PDE4D: variants seen among roughly 807,000 people sequenced by gnomAD.
PDE4D encodes phosphodiesterase 4D, also known as 3',5'-cyclic-AMP phosphodiesterase 4D.
PDE4D carries 24 observed loss-of-function variants against 87.4 expected under a neutral mutation model. That is an observed-to-expected ratio of 0.27 (90% CI 0.20 to 0.39). The LOEUF (loss-of-function observed/expected upper bound fraction) is 0.39. Among genes scored for constraint, PDE4D ranks in the 10% least tolerant of loss-of-function variants. PDE4D has a pLI of 1.00. For missense variants in PDE4D, 714 were observed against 1,041.0 expected, an observed-to-expected ratio of 0.69 and a Z score of 4.32; for synonymous variants, 384 against 383.2, an observed-to-expected ratio of 1.00 and a Z score of -0.02.
intron 6 of PDE4D, among the ~76,000 whole-genome samples, chr5:59,038,260 C>A (rs1027873077): frequency 2.0e-5 from 3 of 152,192 alleles, no homozygotes; most frequent in Non-Finnish European, 4.4e-5. Context: ...TTGAAGCCTC[C>A]TTGTACTAAA....
chr5:60,435,569 AT>A (rs1055046177), intron 1 of PDE4D, among the ~76,000 whole-genome samples: 3 of 151,540 alleles, frequency 2.0e-5, no homozygotes, highest in Non-Finnish European at 4.4e-5. Context: ...AGCTTTCAAG[AT>A]TTTTTTTTGA....
At chr5:60,426,036 A>G (rs1743681721) in intron 1 of PDE4D, among the ~76,000 whole-genome samples, 1 of 152,236 alleles carries the variant, frequency 6.6e-6, no homozygotes, top group Non-Finnish European at 1.5e-5. Context: ...AGGAAACAAC[A>G]GATGCTGGAG....
chr5:59,395,380 T>G (rs1271808870), intron 1 of PDE4D, among the ~76,000 whole-genome samples: 4 of 152,178 alleles, frequency 2.6e-5, no homozygotes, highest in East Asian at 1.9e-4. Context: ...AGCACGCAGC[T>G]GGAGATCTGA....
chr5:59,773,556 G>C (rs530256769), intron 1 of PDE4D, among the ~76,000 whole-genome samples: 2 of 152,202 alleles, frequency 1.3e-5, no homozygotes, highest in South Asian at 4.1e-4. Flanking sequence ...GCAGCTGAAG[G>C]TGGAATTCCT....
chr5:59,594,923 AT>A (rs1030488887), intron 1 of PDE4D, among the ~76,000 whole-genome samples: 36 of 152,258 alleles, frequency 2.4e-4, no homozygotes, highest in African/African-American at 7.9e-4. Flanking sequence ...GTAAAAAAAA[AT>A]GTACCACTTT....
chr5:60,215,792 G>T (rs1562227559), intron 1 of PDE4D, among the ~76,000 whole-genome samples: 1 of 152,068 alleles, frequency 6.6e-6, no homozygotes, highest in Non-Finnish European at 1.5e-5. Flanking sequence ...CAGATGATTT[G>T]TACACATGTT....
intron 2 of PDE4D, among the ~76,000 whole-genome samples, chr5:60,059,887 T>TC (rs560736698): frequency 3.2e-4 from 48 of 151,550 alleles, no homozygotes; most frequent in Middle Eastern, 3.2e-3. Context: ...CATGTTCTGA[T>TC]CCCCCCCAGG....
rs574161578 is a variant in PDE4D, at chr5:59,626,142, G to T, written c.455+267026C>A. On this transcript the variant is annotated intron_variant, in intron 1 of 14. Transcript: ENST00000340635. The stretch of plus-strand genomic sequence containing the variant: ...AACCAATGCCTGGTTTCCATTTTAG[G>T]GTCCGTTAACATTAAAGTAATGTTT... Among the ~76,000 whole-genome samples the T allele has an allele frequency of 6.7e-4, 102 of 152,186 alleles. 1 individual carries two copies. In the Middle Eastern group the frequency reaches 0.014, roughly 20 times the overall value.
intron 1 of PDE4D, chr5:59,768,678 G>T: frequency 6.8e-7 from 1 of 1,468,446 alleles, no homozygotes; most frequent in Non-Finnish European, 9.0e-7. Context: ...GAGGAGGCGA[G>T]CGCACTCCTC....
At chr5:60,323,887 G>C (rs905605613) in intron 1 of PDE4D, among the ~76,000 whole-genome samples, 3 of 149,252 alleles carry the variant, frequency 2.0e-5, no homozygotes, top group Non-Finnish European at 4.4e-5. Flanking sequence ...TCTTTACCTA[G>C]TTAATGCCTA....
chr5:60,091,546 T>C (rs758121232), intron 2 of PDE4D, among the ~76,000 whole-genome samples: 8 of 152,166 alleles, frequency 5.3e-5, no homozygotes. Flanking sequence ...AGAATGTAAA[T>C]TAGTACAGCT....
At chr5:60,279,253 G>A (rs116356941) in intron 1 of PDE4D, among the ~76,000 whole-genome samples, 3 of 152,148 alleles carry the variant, frequency 2.0e-5, no homozygotes, top group African/African-American at 7.2e-5. Context: ...CCTGAATATT[G>A]TCTAGGCCTC....
intron 5 of PDE4D, among the ~76,000 whole-genome samples, chr5:59,057,337 G>A (rs865797118): frequency 1.1e-4 from 17 of 152,216 alleles, no homozygotes; most frequent in Admixed American, 2.6e-4. Context: ...TGACTAGCTT[G>A]GCACCTTATA....
At chr5:60,520,463 C>T (rs1451398701) in intron 1 of PDE4D, among the ~76,000 whole-genome samples, 1 of 152,230 alleles carries the variant, frequency 6.6e-6, no homozygotes, top group African/African-American at 2.4e-5. Context: ...TGGGAGACTT[C>T]TGTTGGCCAT....
intron 1 of PDE4D, among the ~76,000 whole-genome samples, chr5:59,238,691 C>T (rs1286099246): frequency 6.6e-6 from 1 of 152,074 alleles, no homozygotes; most frequent in African/African-American, 2.4e-5. Flanking sequence ...TTTTGAGTAC[C>T]ACATCAAAGG....
chr5:59,667,056 A>G (rs963059733), intron 1 of PDE4D, among the ~76,000 whole-genome samples: 2 of 152,198 alleles, frequency 1.3e-5, no homozygotes, highest in African/African-American at 4.8e-5. Flanking sequence ...CAAAATGAAC[A>G]ACAAAAACAG....
chr5:59,185,328 T>C, intron 3 of PDE4D, 66 bp from the exon 4 acceptor site: 1 of 1,204,530 alleles, frequency 8.3e-7, no homozygotes. Flanking sequence ...TTGAAAATGG[T>C]TTGTTAAGAG....
intron 1 of PDE4D, among the ~76,000 whole-genome samples, chr5:60,199,440 A>G (rs918513020): frequency 2.0e-5 from 3 of 151,770 alleles, no homozygotes; most frequent in African/African-American, 7.2e-5. Context: ...GTGATAAGGG[A>G]TGAATGAGGG....
In PDE4D at chr5:60,395,918, T is replaced by C. The variant is rs191049530; in HGVS notation, c.-90+92024A>G. Among the ~76,000 whole-genome samples the C allele has an allele frequency of 1.2e-4, 19 of 152,212 alleles. No individual in the cohort carries two copies. The East Asian group carries it at 1.7e-3, about 14-fold the overall frequency. The stretch of plus-strand genomic sequence containing the variant: ...GCCCATTACCACCACCAGGGGACCA[T>C]GTAGAGTGGTCCAGGTTGTTTACCA... On this transcript the variant is annotated intron_variant, in intron 1 of 16. Coordinates refer to the PDE4D transcript ENST00000502484.
Sources: gnomAD v4.1 joint callset for allele counts (sites outside exome capture counted in the v4.1 genomes callset) on GRCh38, gnomAD v4.1.1 for gene constraint, MANE v1.5 for transcripts, NCBI Gene and HGNC (gene_info 2026-07-23, HGNC 2026-07-21) for gene names.